FAM13A: variants seen among roughly 807,000 people sequenced by gnomAD.
FAM13A encodes family with sequence similarity 13 member A, also known as protein FAM13A.
In FAM13A, 76 loss-of-function variants were observed where a neutral mutation model predicts 129.6. That is an observed-to-expected ratio of 0.59 (90% CI 0.49 to 0.71). The LOEUF (loss-of-function observed/expected upper bound fraction) is 0.71, where lower values mean the gene tolerates loss of function less well. FAM13A is among the 30% of genes least tolerant of loss of function. The pLI is 0.00. For synonymous variants in FAM13A, 443 were observed against 449.9 expected (o/e 0.98, Z 0.20); for missense variants, 1,108 against 1,249.3 (o/e 0.89, Z 1.70).
At chr4:88,837,655 T>C (rs1554000606) in intron 7 of FAM13A, among the ~76,000 whole-genome samples, 1 of 145,598 alleles carries the variant, frequency 6.9e-6, no homozygotes, top group Non-Finnish European at 1.5e-5. Flanking sequence ...GAGGCGGAGG[T>C]TGCGGTGAGC....
chr4:88,840,723 A>G (rs1003247929), intron 7 of FAM13A, among the ~76,000 whole-genome samples: 1 of 152,182 alleles, frequency 6.6e-6, no homozygotes, highest in Non-Finnish European at 1.5e-5. Flanking sequence ...CTGTGCTATT[A>G]TATTTTGTAG....
chr4:89,003,678 T>C (rs561346999), intron 3 of FAM13A, among the ~76,000 whole-genome samples: 16 of 151,552 alleles, frequency 1.1e-4, no homozygotes, highest in African/African-American at 3.4e-4. Flanking sequence ...AAAAGACAAA[T>C]ATTGTCAGAA....
At chr4:88,860,624 T>C (rs1193973702) in intron 6 of FAM13A, among the ~76,000 whole-genome samples, 1 of 152,238 alleles carries the variant, frequency 6.6e-6, no homozygotes, top group African/African-American at 2.4e-5. Flanking sequence ...TGTATCTGTG[T>C]GTATTTGTGA....
chr4:88,853,780 G>A (rs931906563), intron 6 of FAM13A, among the ~76,000 whole-genome samples: 2 of 152,200 alleles, frequency 1.3e-5, no homozygotes, highest in Non-Finnish European at 2.9e-5. Context: ...AGTCTAGGTC[G>A]ACACCATCTA....
chr4:88,778,911 C>T lies in FAM13A; in HGVS notation c.1458+2254G>A, dbSNP rs71609537. Among the ~76,000 whole-genome samples the T allele has an allele frequency of 4.2e-3, 644 of 152,278 alleles. 10 individuals carry two copies. The highest frequency in any genetic ancestry group is 0.021 in the Admixed American group (319 of 15,270). On this transcript the variant is annotated intron_variant, in intron 11 of 23. Coordinates refer to ENST00000264344, the MANE Select transcript of FAM13A (RefSeq NM_014883.4). ...AGAGCCCTTGCACCTGTGATTCCAA[C>T]AGTAAGTCTTGCTTCCTTACTTCCT...
chr4:88,972,493 G>A (rs1038614579), intron 4 of FAM13A, among the ~76,000 whole-genome samples: 17 of 151,864 alleles, frequency 1.1e-4, no homozygotes, highest in African/African-American at 3.9e-4. Context: ...TAGAGACAGG[G>A]TATCACCATG....
intron 7 of FAM13A, among the ~76,000 whole-genome samples, chr4:88,826,152 T>C (rs1214794962): frequency 6.6e-6 from 1 of 152,082 alleles, no homozygotes; most frequent in East Asian, 1.9e-4. Flanking sequence ...CCTGGCTACA[T>C]TTCCCTTTCA....
chr4:88,867,063 T>C, intron 6 of FAM13A, among the ~76,000 whole-genome samples: 1 of 152,176 alleles, frequency 6.6e-6, no homozygotes, highest in East Asian at 1.9e-4. Context: ...ACTGAATTAG[T>C]AAATACCGAA....
chr4:89,031,610 TCTC>T (rs1768693120), intron 1 of FAM13A, among the ~76,000 whole-genome samples: 2 of 152,206 alleles, frequency 1.3e-5, no homozygotes, highest in Admixed American at 6.5e-5. Flanking sequence ...TCCTTTTCCT[TCTC>T]CTCCTCTTTC....
At chr4:89,047,955 C>T (rs1480078520) in intron 1 of FAM13A, among the ~76,000 whole-genome samples, 1 of 152,096 alleles carries the variant, frequency 6.6e-6, no homozygotes, top group African/African-American at 2.4e-5. Context: ...TAACTCACTA[C>T]AATGGTTATA....
intron 6 of FAM13A, among the ~76,000 whole-genome samples, chr4:88,861,743 T>C (rs1739528859): frequency 6.6e-6 from 1 of 152,202 alleles, no homozygotes; most frequent in Non-Finnish European, 1.5e-5. Flanking sequence ...ATAAGCATAA[T>C]TGCAATAATA....
chr4:88,906,961 G>A (rs1021333199), intron 5 of FAM13A, among the ~76,000 whole-genome samples: 1 of 152,220 alleles, frequency 6.6e-6, no homozygotes, highest in Non-Finnish European at 1.5e-5. Context: ...CCTTGTGGAA[G>A]AATATATGAG....
At chr4:88,731,856 TTTA>T in intron 22 of FAM13A, 143 bp downstream of exon 22, 2 of 685,256 alleles carry the variant, frequency 2.9e-6, no homozygotes, top group Non-Finnish European at 4.6e-6. Context: ...AAAGAAATTT[TTTA>T]AAAAATCACC....
chr4:88,862,050 G>T (rs561625061), intron 6 of FAM13A, among the ~76,000 whole-genome samples: 4 of 152,116 alleles, frequency 2.6e-5, no homozygotes, highest in Non-Finnish European at 4.4e-5. Flanking sequence ...TATTTATGGA[G>T]CACTTACTAC....
At chr4:88,733,820 C>T (rs1738400435) in intron 21 of FAM13A, among the ~76,000 whole-genome samples, 1 of 152,184 alleles carries the variant, frequency 6.6e-6, no homozygotes, top group Non-Finnish European at 1.5e-5. Flanking sequence ...TTAGGGACAG[C>T]TAACAGAGTT....
At chr4:88,895,411 T>A (rs1262275126) in intron 6 of FAM13A, among the ~76,000 whole-genome samples, 1 of 151,320 alleles carries the variant, frequency 6.6e-6, no homozygotes, top group Non-Finnish European at 1.5e-5. Context: ...AAGACAAAAT[T>A]GACAAATGGG....
intron 9 of FAM13A, among the ~76,000 whole-genome samples, chr4:88,790,103 C>T (rs1427799236): frequency 1.3e-5 from 2 of 152,096 alleles, no homozygotes; most frequent in Middle Eastern, 3.2e-3. Context: ...TTCTGCATCC[C>T]TATTAGAGTG....
In FAM13A at chr4:88,837,655, T is replaced by TTGCG. The variant is rs1036087698; in HGVS notation, c.1007+13361_1007+13364dup. On this transcript the variant is annotated intron_variant, in intron 7 of 23. Transcript: ENST00000264344. ...ATCGCTTGAGCCTGGGAGGCGGAGG[T>TTGCG]TGCGGTGAGCCGAGATGACACCATT... Among the ~76,000 whole-genome samples, 22 of 145,668 alleles carry TTGCG rather than the reference T, an allele frequency of 1.5e-4. No homozygotes were observed. In the South Asian group the frequency reaches 2.2e-3, roughly 14 times the overall value.
intron 6 of FAM13A, among the ~76,000 whole-genome samples, chr4:88,866,999 TA>T (rs1351612373): frequency 6.6e-6 from 1 of 152,218 alleles, no homozygotes; most frequent in Non-Finnish European, 1.5e-5. Context: ...TAGGTAAATA[TA>T]CAGTAGATTC....
Sources: gnomAD v4.1 joint callset for allele counts (sites outside exome capture counted in the v4.1 genomes callset) on GRCh38, gnomAD v4.1.1 for gene constraint, MANE v1.5 for transcripts, NCBI Gene and HGNC (gene_info 2026-07-23, HGNC 2026-07-21) for gene names.